TJP2: variants seen among roughly 807,000 people sequenced by gnomAD.
The protein encoded by TJP2 is tight junction protein 2, also known as Friedreich ataxia region gene X104 (tight junction protein ZO-2).
A neutral mutation model predicts 133.1 loss-of-function variants in TJP2; 91 were observed. The ratio of observed to expected loss-of-function variants is 0.68; its 90% confidence interval spans 0.58 to 0.81. The LOEUF (loss-of-function observed/expected upper bound fraction) is 0.81, where lower values mean the gene tolerates loss of function less well. Ranked by LOEUF, TJP2 falls within the 40% of genes least tolerant of loss-of-function variation. The probability of loss-of-function intolerance (pLI) is 0.00; values close to 1 mark genes in which losing one functional copy is unlikely to be tolerated. For missense variants in TJP2, 1,541 were observed against 1,565.6 expected (o/e 0.98, Z 0.26); for synonymous variants, 592 against 583.4 (o/e 1.01, Z -0.21).
chr9:69,134,947 GGAGA>G (rs148798484), intron 1 of TJP2, among the ~76,000 whole-genome samples: 21 of 148,524 alleles, frequency 1.4e-4, no homozygotes, highest in Admixed American at 9.4e-4. Flanking sequence ...AGAGAGAAGA[GGAGA>G]GAGAGAGAGA....
At chr9:69,238,025 C>T in intron 15 of TJP2, 52 bp downstream of exon 15, 1 of 1,327,798 alleles carries the variant, frequency 7.5e-7, no homozygotes, top group Non-Finnish European at 1.1e-6. Flanking sequence ...TGAAAAATTT[C>T]TAACAGAGGA....
intron 2 of TJP2, among the ~76,000 whole-genome samples, chr9:69,165,447 C>T (rs1824299747): frequency 6.6e-6 from 1 of 152,052 alleles, no homozygotes; most frequent in African/African-American, 2.4e-5. Flanking sequence ...GGTTTGGATT[C>T]CATCTGCTTG....
At chr9:69,174,095 C>T (rs1824860417), upstream of TJP2, 13 of 1,154,614 alleles carry the variant, frequency 1.1e-5, no homozygotes, top group African/African-American at 8.1e-5. Flanking sequence ...GCGGCGCCGG[C>T]GAGCCCTTCC....
intron 1 of TJP2, among the ~76,000 whole-genome samples, chr9:69,129,517 A>G (rs1323114758): frequency 2.1e-5 from 3 of 144,508 alleles, no homozygotes; most frequent in Non-Finnish European, 4.4e-5. Flanking sequence ...CGCAAAAAAC[A>G]AAAAAAAACC....
chr9:69,188,502 G>GGA (rs1284420571), intron 1 of TJP2, among the ~76,000 whole-genome samples: 6 of 152,172 alleles, frequency 3.9e-5, no homozygotes, highest in Non-Finnish European at 8.8e-5. Context: ...CAAGAAAATA[G>GGA]GAGAAGCTCA....
intron 1 of TJP2, among the ~76,000 whole-genome samples, chr9:69,138,243 T>G (rs1333659114): frequency 6.6e-6 from 1 of 152,210 alleles, no homozygotes; most frequent in Non-Finnish European, 1.5e-5. Flanking sequence ...GGGTTTTAGC[T>G]TCTTCCTCTT....
intron 1 of TJP2, among the ~76,000 whole-genome samples, chr9:69,193,056 C>G (rs1826314017): frequency 6.6e-6 from 1 of 151,702 alleles, no homozygotes; most frequent in African/African-American, 2.4e-5. Flanking sequence ...GCTGGCACTA[C>G]AGGCGTGCGC....
intron 1 of TJP2, among the ~76,000 whole-genome samples, chr9:69,195,160 C>T (rs1193495447): frequency 2.6e-5 from 4 of 152,106 alleles, no homozygotes; most frequent in African/African-American, 9.7e-5. Context: ...TTATCTTTAT[C>T]TTGGTGCCTA....
intron 21 of TJP2, among the ~76,000 whole-genome samples, chr9:69,251,945 A>G (rs1831366124): frequency 6.6e-6 from 1 of 152,218 alleles, no homozygotes; most frequent in African/African-American, 2.4e-5. Flanking sequence ...TAAAATATAC[A>G]TAACATAAAA....
intron 2 of TJP2, among the ~76,000 whole-genome samples, chr9:69,161,417 T>C (rs1310097643): frequency 6.6e-6 from 1 of 152,132 alleles, no homozygotes; most frequent in African/African-American, 2.4e-5. Context: ...TTAGTAGAGA[T>C]GGGGTTTCAC....
chr9:69,202,737 T>G (rs1827086700), intron 1 of TJP2, among the ~76,000 whole-genome samples: 1 of 151,962 alleles, frequency 6.6e-6, no homozygotes, highest in Admixed American at 6.6e-5. Context: ...GGTCCTGCTG[T>G]GCCCAGGCGG....
At chr9:69,202,483 A>G (rs1375447272) in intron 1 of TJP2, among the ~76,000 whole-genome samples, 1 of 152,196 alleles carries the variant, frequency 6.6e-6, no homozygotes, top group Admixed American at 6.5e-5. Context: ...TCAAAAATCC[A>G]TGTATAACTT....
At chr9:69,232,684 T>C (rs968386732) in intron 11 of TJP2, among the ~76,000 whole-genome samples, 8 of 152,336 alleles carry the variant, frequency 5.3e-5, no homozygotes, top group Admixed American at 6.5e-5. Flanking sequence ...AATGGAGATA[T>C]ATGTGCTTTT....
At chr9:69,196,927 A>ATATATG (rs1284482974) in intron 1 of TJP2, among the ~76,000 whole-genome samples, 22 of 144,142 alleles carry the variant, frequency 1.5e-4, no homozygotes, top group African/African-American at 5.7e-4. Flanking sequence ...TTATATATAT[A>ATATATG]TGTGTGTGTG....
chr9:69,163,813 A>G (rs976319809), intron 2 of TJP2, among the ~76,000 whole-genome samples: 1 of 152,148 alleles, frequency 6.6e-6, no homozygotes, highest in African/African-American at 2.4e-5. Context: ...AAAATGTTTT[A>G]CCTGACTTCA....
chr9:69,233,674 G>A (rs1379916369), intron 11 of TJP2, among the ~76,000 whole-genome samples: 2 of 152,100 alleles, frequency 1.3e-5, no homozygotes, highest in Admixed American at 6.5e-5. Flanking sequence ...TACTCAGGGA[G>A]GCTGAGGCAA....
chr9:69,137,041 G>A (rs138744903), intron 1 of TJP2, among the ~76,000 whole-genome samples: 3 of 152,308 alleles, frequency 2.0e-5, no homozygotes, highest in East Asian at 3.9e-4. Context: ...GCCCTGCTGC[G>A]TAGGAGCTGT....
At position 69,248,203 on chromosome 9, in the gene TJP2, G is replaced by A. The variant is rs369972534; in HGVS notation, c.2859G>A (p.Ser953=). ...TGGTGTCGTCCATCACCCGCTCCTC[G>A]GAGCCGGTGCAGCACGAGGAGGTGA... is the stretch of plus-strand genomic sequence containing the variant. ...EPLVSSITRS[S]EPVQHEESIR... Residue 953 remains serine, a synonymous_variant, in exon 19 of 23, where the codon TCG becomes TCA. Coordinates refer to ENST00000377245, the MANE Select transcript of TJP2 (RefSeq NM_004817.4). 5.6e-6 allele frequency: 9 copies of A among 1,606,538 alleles called. No individual in the cohort carries two copies. The highest frequency in any genetic ancestry group is 2.2e-5 in the South Asian group (2 of 90,316).
In TJP2 at chr9:69,221,419, C is replaced by T. The variant is rs770900812; in HGVS notation, c.875C>T (p.Ser292Leu). Reference protein sequence around the residue: ...PRSRSREHPHSRSPSPEPRGR... With the variant: ...PRSRSREHPHLRSPSPEPRGR... ...AGCCGCAGCCGCGAGCACCCGCACT[C>T]ACGGAGCCCCAGCCCCGAGCCTAGG... Residue 292 changes from serine to leucine, a missense_variant, in exon 5 of 23, where the codon TCA (serine) becomes TTA (leucine). Transcript: ENST00000377245. The T allele has an allele frequency of 5.0e-6, 8 of 1,585,906 alleles. No individual in the cohort carries two copies. Among genetic ancestry groups the T allele is most frequent in the South Asian group, 3.4e-5 (3 of 87,624 alleles).
Sources: gnomAD v4.1 joint callset for allele counts (sites outside exome capture counted in the v4.1 genomes callset) on GRCh38, gnomAD v4.1.1 for gene constraint, MANE v1.5 for transcripts, NCBI Gene and HGNC (gene_info 2026-07-23, HGNC 2026-07-21) for gene names.